Variants in ANOS1 observed in about 807,000 individuals in gnomAD.
ANOS1 encodes the protein anosmin-1.
A neutral mutation model predicts 59.0 loss-of-function variants in ANOS1; 6 were observed. The ratio of observed to expected loss-of-function variants is 0.10; its 90% CI spans 0.06 to 0.20. The LOEUF is 0.20. Among genes scored for constraint, ANOS1 ranks in the 10% least tolerant of loss-of-function variants. The pLI is 1.00. For missense variants in ANOS1, 433 were observed against 542.3 expected, an observed-to-expected ratio of 0.80 and a Z score of 2.00; for synonymous variants, 217 against 223.4, an observed-to-expected ratio of 0.97 and a Z score of 0.25.
intron 1 of ANOS1, among the ~76,000 whole-genome samples, chrX:8,710,226 G>A (rs931267600): frequency 8.0e-5 from 9 of 111,841 alleles, no homozygotes; most frequent in Non-Finnish European, 1.1e-4. Context: ...CACCACGCCC[G>A]GCCGTGTTAT....
chrX:8,568,371 T>C lies in ANOS1; in HGVS notation c.1068A>G (p.Gln356=), dbSNP rs1301130296. The C allele has an allele frequency of 2.5e-6, 3 of 1,209,169 alleles. No individual in the cohort carries two copies. The highest frequency in any genetic ancestry group is 3.4e-6 in the Non-Finnish European group (3 of 893,308). ...KKRRKTTDGF[Q]NSVILEKLQP... ...GGAGTTTCTCCAGGATCACAGAATT[T>C]TGAAACTAGAAATTAAGAGAATATA... The change falls in exon 8 of 14, where the codon CAA becomes CAG. Residue 356 remains glutamine (Q), a synonymous_variant. Transcript: ENST00000262648.
At chrX:8,705,604 A>T (rs924252172) in intron 1 of ANOS1, among the ~76,000 whole-genome samples, 1 of 111,520 alleles carries the variant, frequency 9.0e-6, no homozygotes, top group Non-Finnish European at 1.9e-5. Flanking sequence ...CTACCCCATC[A>T]CGATCCACCT....
intron 1 of ANOS1, among the ~76,000 whole-genome samples, chrX:8,710,941 T>G (rs1421010752): frequency 2.7e-5 from 3 of 112,036 alleles, no homozygotes; most frequent in Non-Finnish European, 5.6e-5. Context: ...TATTACTGAA[T>G]TCCATAATAC....
intron 9 of ANOS1, among the ~76,000 whole-genome samples, chrX:8,550,547 A>C (rs1929839899): frequency 8.9e-6 from 1 of 111,775 alleles, no homozygotes; most frequent in Admixed American, 9.6e-5. Flanking sequence ...ACAATTTGAT[A>C]AAGAAATAAA....
rs774707868 is a variant in ANOS1 at position 8,569,425 on chromosome X, G to A, written c.1063-1049C>T. ...TGGGAGGCCAAGGTGGGCGGATCAC[G>A]AGGTCAGGAGATAGAGATCATCCTG... On this transcript the variant is annotated intron_variant, in intron 7 of 13. Transcript: ENST00000262648. Among the ~76,000 whole-genome samples, 334 of 112,404 alleles carry A rather than the reference G, an allele frequency of 3.0e-3. 1 individual carries two copies. Among genetic ancestry groups the A allele is most frequent in the Non-Finnish European group, 5.3e-3 (283 of 53,265 alleles).
At chrX:8,651,301 G>A (rs918004738) in intron 2 of ANOS1, among the ~76,000 whole-genome samples, 15 of 112,187 alleles carry the variant, frequency 1.3e-4, no homozygotes, top group Non-Finnish European at 2.6e-4. Flanking sequence ...AATGCAAATC[G>A]CCTCCCAGAA....
chrX:8,644,377 A>G (rs1398140752), intron 2 of ANOS1, among the ~76,000 whole-genome samples: 2 of 110,741 alleles, frequency 1.8e-5, no homozygotes. Flanking sequence ...CATTCACATT[A>G]GCATAGGGAT....
chrX:8,593,429 A>G (rs998573223), intron 4 of ANOS1, among the ~76,000 whole-genome samples: 13 of 112,233 alleles, frequency 1.2e-4, no homozygotes, highest in African/African-American at 3.6e-4. Context: ...AGCACTATGC[A>G]ACACTTTAAT....
rs1430869096 is a variant in ANOS1 at position 8,530,882 on chromosome X, A to C, written c.*2113T>G. ...AATAATGAAAAATTTTAATTTTTGAAATTTTAAGAACTTGAAATTCAGATG... is the reference window on the plus strand; with the variant it reads ...AATAATGAAAAATTTTAATTTTTGACATTTTAAGAACTTGAAATTCAGATG... On this transcript the variant is annotated 3_prime_UTR_variant, in exon 14 of 14. Coordinates refer to ENST00000262648, the MANE Select transcript of ANOS1 (RefSeq NM_000216.4). The C allele has an allele frequency of 9.0e-6, 1 of 111,118 alleles. No homozygotes were observed. Among genetic ancestry groups the C allele is most frequent in the Non-Finnish European group, 1.9e-5 (1 of 53,038 alleles). The allele number at this position is 111,118 out of a possible 1,213,427, so 9.2% of individuals were successfully genotyped here.
At chrX:8,619,722 C>T (rs1178910536) in intron 3 of ANOS1, among the ~76,000 whole-genome samples, 1 of 112,141 alleles carries the variant, frequency 8.9e-6, no homozygotes, top group African/African-American at 3.2e-5. Flanking sequence ...TGAGAGAGAT[C>T]ACGATATGAG....
intron 1 of ANOS1, among the ~76,000 whole-genome samples, chrX:8,719,903 G>A (rs1932863496): frequency 9.0e-6 from 1 of 111,008 alleles, no homozygotes; most frequent in Non-Finnish European, 1.9e-5. Context: ...ATTAGTTGCC[G>A]GATTCTTTTC....
intron 2 of ANOS1, among the ~76,000 whole-genome samples, chrX:8,678,766 T>C (rs1932375178): frequency 8.9e-6 from 1 of 112,017 alleles, no homozygotes; most frequent in Non-Finnish European, 1.9e-5. Flanking sequence ...TTACTGAGCA[T>C]GGCCAATCTT....
At chrX:8,688,080 T>C (rs1024840105) in intron 2 of ANOS1, among the ~76,000 whole-genome samples, 2 of 112,010 alleles carry the variant, frequency 1.8e-5, no homozygotes, top group African/African-American at 6.5e-5. Flanking sequence ...GGAGTCAAAA[T>C]TATGAACATA....
At chrX:8,643,344 A>G (rs1931696552) in intron 2 of ANOS1, among the ~76,000 whole-genome samples, 1 of 111,752 alleles carries the variant, frequency 8.9e-6, no homozygotes, top group South Asian at 3.8e-4. Context: ...TGTTGCATTA[A>G]TAAGTTGGGC....
At chrX:8,533,994 G>C (rs1383217231) in intron 13 of ANOS1, among the ~76,000 whole-genome samples, 3 of 20,495 alleles carry the variant, frequency 1.5e-4, no homozygotes, top group African/African-American at 3.9e-4. Flanking sequence ...AAGGAGAAAA[G>C]AAGAGAGGGA....
At chrX:8,646,597 T>C (rs10127300) in intron 2 of ANOS1, among the ~76,000 whole-genome samples, 15,537 of 110,001 alleles carry the variant, frequency 0.14, 1,645 homozygotes, top group African/African-American at 0.35. Context: ...TCCCCTTCCC[T>C]GCCAAAAGGG....
intron 9 of ANOS1, among the ~76,000 whole-genome samples, chrX:8,552,160 A>T (rs1469221594): frequency 3.6e-5 from 4 of 112,613 alleles, no homozygotes; most frequent in Non-Finnish European, 7.5e-5. Flanking sequence ...ATCACTATGA[A>T]CATACCAGAA....
intron 2 of ANOS1, among the ~76,000 whole-genome samples, chrX:8,685,644 GAA>G (rs1157208084): frequency 4.1e-4 from 40 of 97,822 alleles, no homozygotes; most frequent in Non-Finnish European, 6.9e-4. Flanking sequence ...AAGAAAGAAA[GAA>G]AGAAAGAAAG....
chrX:8,616,245 C>T (rs892951009), intron 3 of ANOS1, among the ~76,000 whole-genome samples: 1 of 111,642 alleles, frequency 9.0e-6, no homozygotes, highest in Non-Finnish European at 1.9e-5. Flanking sequence ...CAGCACTTGA[C>T]GCAACTGATT....
Sources: allele counts gnomAD v4.1 joint callset (sites outside exome capture counted in the v4.1 genomes callset), GRCh38; gene constraint gnomAD v4.1.1; transcripts MANE v1.5; gene names NCBI Gene and HGNC (gene_info 2026-07-23, HGNC 2026-07-21).